CNTN5: variants seen among roughly 807,000 people sequenced by gnomAD.
The protein encoded by CNTN5 is contactin-5.
Under a neutral mutation model 129.1 loss-of-function variants are expected in CNTN5, and 77 were observed. That is an observed-to-expected ratio of 0.60 (90% CI 0.50 to 0.72). CNTN5 has a LOEUF of 0.72. Ranked by LOEUF, CNTN5 falls within the 30% of genes least tolerant of loss-of-function variation. The pLI, the probability that CNTN5 is intolerant of heterozygous loss-of-function variation, is 0.00. For synonymous variants in CNTN5, 509 were observed against 465.6 expected, an observed-to-expected ratio of 1.09 and a Z score of -1.20; for missense variants, 1,478 against 1,328.8, an observed-to-expected ratio of 1.11 and a Z score of -1.75.
chr11:100,186,200 A>C (rs1370679833), intron 13 of CNTN5, among the ~76,000 whole-genome samples: 1 of 151,938 alleles, frequency 6.6e-6, no homozygotes, highest in Non-Finnish European at 1.5e-5. Context: ...CTCTACAAAT[A>C]AATAAGTAAC....
At chr11:99,889,318 G>T (rs1211266298) in intron 6 of CNTN5, among the ~76,000 whole-genome samples, 5 of 132,550 alleles carry the variant, frequency 3.8e-5, no homozygotes, top group African/African-American at 1.1e-4. Flanking sequence ...GTGTGTGTGT[G>T]TGTGTGTGTG....
chr11:99,327,225 G>A lies in CNTN5; in HGVS notation c.-71+1741G>A, dbSNP rs886480082. Among the ~76,000 whole-genome samples, 12 of 152,126 alleles carry A rather than the reference G, an allele frequency of 7.9e-5. 1 individual carries two copies. The highest frequency in any genetic ancestry group is 1.5e-4 in the Non-Finnish European group (10 of 68,028). On this transcript the variant is annotated intron_variant, in intron 2 of 24. Coordinates refer to ENST00000524871, the MANE Select transcript of CNTN5 (RefSeq NM_014361.4). ...CAGCACAGCAGCTGTATGTAAGAGG[G>A]TTTCAGATCTAATGCTCACTTCCAG... is the stretch of plus-strand genomic sequence containing the variant.
chr11:99,910,593 T>G (rs544958198), intron 6 of CNTN5, among the ~76,000 whole-genome samples: 2 of 152,112 alleles, frequency 1.3e-5, no homozygotes, highest in African/African-American at 4.8e-5. Context: ...TTTAAAACTT[T>G]AGAATCAATC....
At chr11:99,333,652 A>C (rs753924878) in intron 2 of CNTN5, among the ~76,000 whole-genome samples, 2 of 152,012 alleles carry the variant, frequency 1.3e-5, no homozygotes, top group Non-Finnish European at 2.9e-5. Context: ...CTGAGATTTT[A>C]TTTGGGGTTA....
chr11:100,238,878 T>G (rs2138674372), intron 16 of CNTN5, among the ~76,000 whole-genome samples: 1 of 152,358 alleles, frequency 6.6e-6, no homozygotes, highest in African/African-American at 2.4e-5. Context: ...CCATCTTATT[T>G]AATTACAATT....
At chr11:100,239,280 TTGAG>T (rs1236354841) in intron 16 of CNTN5, among the ~76,000 whole-genome samples, 1 of 152,098 alleles carries the variant, frequency 6.6e-6, no homozygotes, top group East Asian at 1.9e-4. Flanking sequence ...GAAGATATAA[TTGAG>T]TAAAAAGAAA....
chr11:100,291,822 A>G (rs1565406054), intron 18 of CNTN5, among the ~76,000 whole-genome samples: 3 of 150,734 alleles, frequency 2.0e-5, no homozygotes, highest in African/African-American at 7.3e-5. Flanking sequence ...AAAAAAAGGA[A>G]AAATATTTTT....
chr11:100,344,457 A>G (rs1026279088), intron 23 of CNTN5, among the ~76,000 whole-genome samples: 1 of 152,152 alleles, frequency 6.6e-6, no homozygotes, highest in East Asian at 1.9e-4. Context: ...GATCTCATAA[A>G]GATAGAGACT....
intron 3 of CNTN5, among the ~76,000 whole-genome samples, chr11:99,717,109 A>G (rs1955268756): frequency 6.6e-6 from 1 of 152,070 alleles, no homozygotes; most frequent in East Asian, 1.9e-4. Flanking sequence ...TTGTATATAC[A>G]GTATATTTTA....
chr11:100,114,808 C>T (rs987107746), intron 13 of CNTN5, among the ~76,000 whole-genome samples: 11 of 152,110 alleles, frequency 7.2e-5, no homozygotes, highest in African/African-American at 2.7e-4. Context: ...ATAATGAGCA[C>T]TTGCTGTGTA....
chr11:100,302,814 T>C (rs1951257179), intron 20 of CNTN5, among the ~76,000 whole-genome samples: 1 of 151,570 alleles, frequency 6.6e-6, no homozygotes, highest in Non-Finnish European at 1.5e-5. Flanking sequence ...TATCCCTTTC[T>C]TTTCCTCCCA....
At chr11:99,426,345 A>G (rs1369571947) in intron 2 of CNTN5, among the ~76,000 whole-genome samples, 16 of 152,212 alleles carry the variant, frequency 1.1e-4, no homozygotes, top group Admixed American at 6.5e-4. Context: ...GGTAATACAA[A>G]TATTTCCAAA....
At chr11:99,992,047 A>G (rs1939138242) in intron 8 of CNTN5, among the ~76,000 whole-genome samples, 1 of 152,206 alleles carries the variant, frequency 6.6e-6, no homozygotes, top group African/African-American at 2.4e-5. Context: ...TATTTTTTAG[A>G]AGACAAGAAA....
At chr11:99,439,632 C>T (rs1216622737) in intron 2 of CNTN5, among the ~76,000 whole-genome samples, 5 of 141,750 alleles carry the variant, frequency 3.5e-5, no homozygotes, top group Admixed American at 7.5e-5. Context: ...CGCTTGAACC[C>T]GGAAGGCGGA....
At chr11:99,869,312 A>G (rs1288167866) in intron 6 of CNTN5, among the ~76,000 whole-genome samples, 2 of 152,196 alleles carry the variant, frequency 1.3e-5, no homozygotes, top group African/African-American at 4.8e-5. Context: ...TGTCAAAATC[A>G]AGAGTAACAA....
chr11:99,264,056 T>C (rs1020247026), intron 1 of CNTN5, among the ~76,000 whole-genome samples: 8 of 151,786 alleles, frequency 5.3e-5, no homozygotes, highest in African/African-American at 1.9e-4. Flanking sequence ...GCAGGCATTA[T>C]AAAGAAAAAA....
chr11:99,030,411 T>C (rs1056555516), intron 1 of CNTN5, among the ~76,000 whole-genome samples: 2 of 152,342 alleles, frequency 1.3e-5, no homozygotes, highest in Admixed American at 6.5e-5. Flanking sequence ...TGTGTATTCA[T>C]GTATGTTTGC....
chr11:99,996,111 A>G (rs1939428021), intron 8 of CNTN5, among the ~76,000 whole-genome samples: 1 of 152,048 alleles, frequency 6.6e-6, no homozygotes, highest in African/African-American at 2.4e-5. Context: ...CCAAGCTGCA[A>G]ATTATAGTGT....
At chr11:100,112,706 T>C (rs2138123158) in intron 13 of CNTN5, among the ~76,000 whole-genome samples, 1 of 152,324 alleles carries the variant, frequency 6.6e-6, no homozygotes, top group Middle Eastern at 3.4e-3. Flanking sequence ...CTTGAAATTG[T>C]TCAGCTCATT....
Sources: allele counts gnomAD v4.1 joint callset (sites outside exome capture counted in the v4.1 genomes callset), GRCh38; gene constraint gnomAD v4.1.1; transcripts MANE v1.5; gene names NCBI Gene and HGNC (gene_info 2026-07-23, HGNC 2026-07-21).